SMG5: variants seen among roughly 807,000 people sequenced by gnomAD.
The protein encoded by SMG5 is SMG5 nonsense mediated mRNA decay factor.
A neutral mutation model predicts 122.9 loss-of-function variants in SMG5; 53 were observed. The ratio of observed to expected loss-of-function variants is 0.43; its 90% CI spans 0.35 to 0.54. SMG5 has a LOEUF of 0.54. Among genes scored for constraint, SMG5 ranks in the 20% least tolerant of loss-of-function variants. The pLI is 0.01. For missense variants in SMG5, 1,153 were observed against 1,285.6 expected (o/e 0.90, Z 1.58); for synonymous variants, 477 against 490.2 (o/e 0.97, Z 0.35).
Position 156,282,771 on chromosome 1 carries a change from G to A in SMG5, c.-91C>T, listed in dbSNP as rs986120360. On this transcript the variant is annotated 5_prime_UTR_variant, in exon 1 of 22. Coordinates refer to ENST00000361813, the MANE Select transcript of SMG5 (RefSeq NM_015327.3). ...GCCGTCTCCGGCCGTAGCCGCAGCC[G>A]CCGCCGCCACCGGCCCTGCTCGGCC... 487 of 1,377,304 alleles carry A rather than the reference G, an allele frequency of 3.5e-4. 1 individual carries two copies. In the Middle Eastern group the frequency reaches 4.5e-3, roughly 13 times the overall value. 85.3% of individuals were successfully genotyped at this position (1,377,304 alleles called of 1,614,324 possible).
At chr1:156,269,808 G>A (rs1017966961) in intron 7 of SMG5, among the ~76,000 whole-genome samples, 1 of 152,200 alleles carries the variant, frequency 6.6e-6, no homozygotes, top group African/African-American at 2.4e-5. Context: ...CCAGGAGGCG[G>A]AGCTTGCAGC....
chr1:156,253,627 G>T, intron 16 of SMG5, 119 bp from the exon 17 acceptor site: 1 of 876,216 alleles, frequency 1.1e-6, no homozygotes, highest in African/African-American at 1.6e-5. Context: ...TCACTCTCTA[G>T]CACTGCTGCT....
chr1:156,257,176 C>T (rs574135342), intron 16 of SMG5, among the ~76,000 whole-genome samples: 1 of 152,262 alleles, frequency 6.6e-6, no homozygotes, highest in South Asian at 2.1e-4. Context: ...ATCCGCCCGC[C>T]TTGGCCTCCC....
At chr1:156,253,173 C>T (rs1221915418) in intron 17 of SMG5, 95 bp from the exon 18 acceptor site, 1 of 1,377,516 alleles carries the variant, frequency 7.3e-7, no homozygotes, top group African/African-American at 1.4e-5. Flanking sequence ...TGGGGCTCCT[C>T]CTGTTGTTAA....
intron 16 of SMG5, among the ~76,000 whole-genome samples, chr1:156,254,852 G>A (rs533951818): frequency 6.6e-6 from 1 of 152,116 alleles, no homozygotes; most frequent in East Asian, 2.0e-4. Flanking sequence ...CACTTTGGGA[G>A]GCTAAGGCAG....
intron 3 of SMG5, 112 bp downstream of exon 3, chr1:156,277,813 C>T: frequency 6.9e-7 from 1 of 1,440,530 alleles, no homozygotes; most frequent in Non-Finnish European, 9.5e-7. Flanking sequence ...TGCCCAGCCT[C>T]TTACTGCCAT....
intron 3 of SMG5, among the ~76,000 whole-genome samples, 165 bp downstream of exon 3, chr1:156,277,760 C>T (rs1662748301): frequency 6.6e-6 from 1 of 152,174 alleles, no homozygotes; most frequent in African/African-American, 2.4e-5. Flanking sequence ...GATCTGCCTG[C>T]CTCAGCCTCC....
At chr1:156,267,993 T>C (rs1662232122) in intron 9 of SMG5, 122 bp downstream of exon 9, 4 of 1,023,348 alleles carry the variant, frequency 3.9e-6, no homozygotes, top group Admixed American at 4.5e-5. Context: ...AAAGGATGAA[T>C]TGGTTACGGA....
intron 16 of SMG5, among the ~76,000 whole-genome samples, chr1:156,256,218 C>T (rs1307977531): frequency 6.6e-6 from 1 of 152,090 alleles, no homozygotes; most frequent in Non-Finnish European, 1.5e-5. Context: ...TTGTCCTGCC[C>T]AAGGTGCCAA....
chr1:156,285,769 G>T (rs140033065), upstream of SMG5: 1 of 1,613,174 alleles, frequency 6.2e-7, no homozygotes, highest in Non-Finnish European at 8.5e-7. Flanking sequence ...TGGTGAGGCC[G>T]CCTGGCTGTT....
In SMG5 at chr1:156,263,588, G is replaced by A; in HGVS notation, c.1856-18C>T. The A allele has an allele frequency of 6.2e-7, 1 of 1,607,182 alleles. No homozygotes were observed. The highest frequency in any genetic ancestry group is 8.5e-7 in the Non-Finnish European group (1 of 1,176,082). ...CTCAGAGGCTGGGGGGTGGGTGAAT[G>A]GAAGAGAAAAAAACTGGGATAAACA... On this transcript the variant is annotated intron_variant, in intron 12 of 21. Transcript: ENST00000361813.
At chr1:156,252,382 G>GT in intron 19 of SMG5, 32 bp downstream of exon 19, 2 of 1,603,380 alleles carry the variant, frequency 1.2e-6, no homozygotes, top group Non-Finnish European at 1.7e-6. Context: ...CAGACCCAGG[G>GT]CTCAGCACAG....
rs1426329242 is a variant in SMG5 at position 156,251,014 on chromosome 1, A to AG, written c.2829-19dup. 6.2e-7 allele frequency: 1 copy of AG among 1,610,902 alleles called. No individual in the cohort carries two copies. Among genetic ancestry groups the AG allele is most frequent in the South Asian group, 1.1e-5 (1 of 91,000 alleles). Reference sequence around the variant, plus strand: ...AGAGAGTCCTGGGGATGGGGGGCAGAGGGGAAGATGGGCCAAGACCCAGCA... The same window carrying AG: ...AGAGAGTCCTGGGGATGGGGGGCAGAGGGGGAAGATGGGCCAAGACCCAGCA... On this transcript the variant is annotated intron_variant, in intron 20 of 21. Transcript: ENST00000361813.
rs1481605823 is a variant in SMG5, at chr1:156,274,621, A to T, written c.520T>A (p.Cys174Ser). ...MDWAQMACHR[C>S]LVYLGDLSRY... ...CACAAATCCCCCAGATACACCAGAC[A>T]TCGGTGACATGCCATCTGTGCCCAA... Residue 174 changes from cysteine to serine, a missense_variant, in exon 5 of 22, where the codon TGT (cysteine) becomes AGT (serine). Coordinates refer to ENST00000361813, the MANE Select transcript of SMG5 (RefSeq NM_015327.3). The T allele has an allele frequency of 1.2e-6, 2 of 1,613,864 alleles. No homozygotes were observed. Among genetic ancestry groups the T allele is most frequent in the African/African-American group, 2.7e-5 (2 of 74,926 alleles).
chr1:156,274,563 C>A, intron 5 of SMG5, 34 bp downstream of exon 5: 3 of 1,602,080 alleles, frequency 1.9e-6, no homozygotes, highest in Non-Finnish European at 2.6e-6. Flanking sequence ...TCCTGTAACC[C>A]AAAACAGAGA....
Position 156,266,330 on chromosome 1 carries a change from C to T in SMG5, c.1306G>A (p.Glu436Lys). ...ACTTGGGGTGTTACAGGAGGAGGCT[C>T]AGGATCTGGCTCCTCCTCTTTCTCC... Reference protein sequence around the residue: ...PVEKEEEPDPEPPPVTPQVGE... With the variant: ...PVEKEEEPDPKPPPVTPQVGE... The change falls in exon 12 of 22, where the codon GAG (glutamate) becomes AAG (lysine). Residue 436 changes from glutamate to lysine, a missense_variant. Glu to Lys is a moderately conservative substitution (Grantham distance 56, BLOSUM62 1). This residue lies in a region of SMG5 where 631 missense variants were observed against 650.6 expected (regional missense o/e 0.97). Transcript: ENST00000361813. 1.2e-6 allele frequency: 2 copies of T among 1,614,106 alleles called. No individual in the cohort carries two copies. The highest frequency in any genetic ancestry group is 1.7e-6 in the Non-Finnish European group (2 of 1,180,004).
At position 156,282,705 on chromosome 1, in the gene SMG5, C is replaced by G. The variant is rs1006914651; in HGVS notation, c.-25G>C. 1 of 1,584,256 alleles carries G rather than the reference C, an allele frequency of 6.3e-7. No homozygotes were observed. The highest frequency in any genetic ancestry group is 1.3e-5 in the African/African-American group (1 of 74,596). On this transcript the variant is annotated 5_prime_UTR_variant, in exon 1 of 22. Coordinates refer to ENST00000361813, the MANE Select transcript of SMG5 (RefSeq NM_015327.3). ...TGGTGCCCGGGTCCGGGGGCAGCTC[C>G]CGGTCACAGGCCCCTGCCACCCACC...
At position 156,282,663 on chromosome 1, in the gene SMG5, G is replaced by A. The variant is rs140385195; in HGVS notation, c.18C>T (p.Pro6=). 1.4e-3 allele frequency: 2,324 copies of A among 1,605,748 alleles called. 40 individuals are homozygous for A. The African/African-American group carries it at 0.026, about 18-fold the overall frequency. MSQGP[P]TGESSEPEAK... ...CTTCGGGCTCGCTGCTCTCCCCTGT[G>A]GGGGGGCCTTGGCTCATGGTGCCCG... Residue 6 remains proline (P), a synonymous_variant, in exon 1 of 22, where the codon CCC becomes CCT. Coordinates refer to ENST00000361813, the MANE Select transcript of SMG5 (RefSeq NM_015327.3).
chr1:156,282,904 C>T, upstream of SMG5: 1 of 546,254 alleles, frequency 1.8e-6, no homozygotes, highest in Non-Finnish European at 3.2e-6. Context: ...CCAAATCTCG[C>T]GAAACTCGTT....
Sources: allele counts gnomAD v4.1 joint callset (sites outside exome capture counted in the v4.1 genomes callset), GRCh38; gene constraint gnomAD v4.1.1; regional missense constraint gnomAD v4.1.1; transcripts MANE v1.5; gene names NCBI Gene and HGNC (gene_info 2026-07-23, HGNC 2026-07-21).